Variants in DUXB observed in about 807,000 individuals in gnomAD.
The protein encoded by DUXB is double homeobox protein B.
DUXB carries 22 observed loss-of-function variants against 8.9 expected under a neutral mutation model. That is an observed-to-expected ratio of 2.46 (90% CI 1.76 to 3.52). DUXB has a LOEUF of 3.52. Among genes scored for constraint, DUXB ranks in the 30% most tolerant of loss-of-function variants. DUXB has a pLI of 0.00. For synonymous variants in DUXB, 84 were observed against 37.6 expected (o/e 2.23, Z -4.52); for missense variants, 237 against 108.7 (o/e 2.18, Z -5.25).
rs868662615 is a variant in DUXB at position 75,696,745 on chromosome 16, C to T, written c.286+93G>A. ...TTTCTATCTCTGGTCACCAGGATGC[C>T]AGAACCAGCTATCCCTGGCTTCTGA... On this transcript the variant is annotated intron_variant, in intron 3 of 4. Coordinates refer to ENST00000633875, the MANE Select transcript of DUXB (RefSeq NM_001351307.2). 17 of 618,140 alleles carry T rather than the reference C, an allele frequency of 2.8e-5. No homozygotes were observed. The Middle Eastern group carries it at 1.3e-3, about 46-fold the overall frequency. 38.3% of individuals were successfully genotyped at this position (618,140 alleles called of 1,614,324 possible).
At chr16:75,696,250 GA>G (rs2082606269) in intron 3 of DUXB, 135 bp from the exon 4 acceptor site, 1 of 616,094 alleles carries the variant, frequency 1.6e-6, no homozygotes, top group Non-Finnish European at 2.9e-6. Flanking sequence ...TCTGCAGCAG[GA>G]CCAAAAAGCC....
In DUXB at chr16:75,694,539, A is replaced by C; in HGVS notation, c.442-14T>G. 1.4e-6 allele frequency: 1 copy of C among 702,844 alleles called. No individual in the cohort carries two copies. The highest frequency in any genetic ancestry group is 1.5e-5 in the South Asian group (1 of 67,566). The allele number at this position is 702,844 out of a possible 1,614,324, so 43.5% of individuals were successfully genotyped here. On this transcript the variant is annotated splice_polypyrimidine_tract_variant and intron_variant, in intron 4 of 4. Coordinates refer to ENST00000633875, the MANE Select transcript of DUXB (RefSeq NM_001351307.2). ...CTGAAACCACATCTAAATGAGAAAA[A>C]GGGCAACATGACATCATAAGACATA...
Position 75,694,314 on chromosome 16 carries a change from TG to T in DUXB, c.652del (p.Gln218ArgfsTer11). The part of the protein sequence containing the change: ...ETLPPVLPST[Q>X]APWDPFRFHV... ...GAACCTGAAGGGATCCCAAGGAGCC[TG>T]GGTTGAAGGAAGAACAGGTGGAAGA... On this transcript the variant is annotated frameshift_variant, in exon 5 of 5. Transcript: ENST00000633875. LOFTEE classifies it low-confidence loss of function (END_TRUNC). The T allele has an allele frequency of 3.2e-6, 2 of 618,958 alleles. No homozygotes were observed. Among genetic ancestry groups the T allele is most frequent in the Middle Eastern group, 2.5e-4 (1 of 3,926 alleles). The allele number at this position is 618,958 out of a possible 1,614,324, so 38.3% of individuals were successfully genotyped here.
In DUXB at chr16:75,701,444, G is replaced by A. The variant is rs183864899; in HGVS notation, c.-26C>T. On this transcript the variant is annotated 5_prime_UTR_variant, in exon 1 of 5. Transcript: ENST00000633875. ...CTTGGGCAGAAGACCTGGACTCCAC[G>A]GAGATCAGCGAGTAACTGAGCAGCT... 8.5e-5 allele frequency: 34 copies of A among 398,574 alleles called. No homozygotes were observed. In the South Asian group the frequency reaches 3.4e-3, roughly 40 times the overall value. The allele number at this position is 398,574 out of a possible 1,614,324, so 24.7% of individuals were successfully genotyped here.
chr16:75,700,888 A>G (rs1024168541), intron 1 of DUXB, among the ~76,000 whole-genome samples: 12 of 152,164 alleles, frequency 7.9e-5, no homozygotes, highest in Non-Finnish European at 1.8e-4. Context: ...TTAAATATAT[A>G]TATTAGAAAA....
At chr16:75,695,116 ATG>A (rs144670710) in intron 4 of DUXB, among the ~76,000 whole-genome samples, 2,146 of 152,332 alleles carry the variant, frequency 0.014, 53 homozygotes, top group African/African-American at 0.049. Flanking sequence ...GTGTGTATAT[ATG>A]TGTGTGTAAT....
Position 75,694,327 on chromosome 16 carries a change from G to A in DUXB, c.640C>T (p.Leu214Phe). Reference sequence around the variant, plus strand: ...TCCCAAGGAGCCTGGGTTGAAGGAAGAACAGGTGGAAGAGTTTCATGCCCG... The same window carrying A: ...TCCCAAGGAGCCTGGGTTGAAGGAAAAACAGGTGGAAGAGTTTCATGCCCG... The part of the protein sequence containing the change: ...SSGHETLPPV[L>F]PSTQAPWDPF... The change falls in exon 5 of 5, where the codon CTT becomes TTT. Residue 214 changes from leucine to phenylalanine, a missense_variant. Leu to Phe is a conservative substitution (Grantham distance 22). Coordinates refer to ENST00000633875, the MANE Select transcript of DUXB (RefSeq NM_001351307.2). The A allele has an allele frequency of 1.6e-6, 1 of 628,274 alleles. No homozygotes were observed. The highest frequency in any genetic ancestry group is 2.8e-6 in the Non-Finnish European group (1 of 354,240). 38.9% of individuals were successfully genotyped at this position (628,274 alleles called of 1,614,324 possible).
chr16:75,698,261 T>G (rs1331445662), intron 2 of DUXB, among the ~76,000 whole-genome samples: 6 of 152,196 alleles, frequency 3.9e-5, no homozygotes. Flanking sequence ...TCCCATAGAA[T>G]GTACTTTTGT....
intron 1 of DUXB, among the ~76,000 whole-genome samples, chr16:75,701,186 C>T (rs1321506027): frequency 6.6e-6 from 1 of 152,222 alleles, no homozygotes; most frequent in Non-Finnish European, 1.5e-5. Context: ...GTATGGGACT[C>T]ATGGCTGCCA....
intron 2 of DUXB, among the ~76,000 whole-genome samples, chr16:75,697,434 C>T (rs927515681): frequency 6.6e-6 from 1 of 152,170 alleles, no homozygotes; most frequent in African/African-American, 2.4e-5. Flanking sequence ...AGTATTTCCT[C>T]TTAGTCATTT....
At chr16:75,699,098 A>C (rs1959197694) in intron 2 of DUXB, among the ~76,000 whole-genome samples, 1 of 152,186 alleles carries the variant, frequency 6.6e-6, no homozygotes, top group African/African-American at 2.4e-5. Context: ...TTCCACTCTC[A>C]GCCTCTGAAA....
rs565316884 is a variant in DUXB at position 75,694,474 on chromosome 16, G to T, written c.493C>A (p.Pro165Thr). Residue 165 changes from proline to threonine, a missense_variant, in exon 5 of 5, where the codon CCC becomes ACC. Coordinates refer to ENST00000633875, the MANE Select transcript of DUXB (RefSeq NM_001351307.2). ...GGGTCGTCTACCAATAAATTCATGG[G>T]CTCCATTCTGCTCTTCTTGAGGTAC... ...SLYLKKSRME[P>T]MNLLVDDPNE... 2.7e-5 allele frequency: 19 copies of T among 702,978 alleles called. No individual in the cohort carries two copies. The Middle Eastern group carries it at 1.8e-3, about 68-fold the overall frequency. 43.5% of individuals were successfully genotyped at this position (702,978 alleles called of 1,614,324 possible). A position where few individuals can be genotyped will look rare whatever the true frequency, so the allele number is the denominator to read the frequency against.
intron 3 of DUXB, among the ~76,000 whole-genome samples, chr16:75,696,591 G>C (rs916158764): frequency 7.2e-5 from 11 of 152,088 alleles, no homozygotes; most frequent in African/African-American, 2.2e-4. Context: ...AAAGCCCCGA[G>C]CTTGCTTGTT....
intron 1 of DUXB, 103 bp downstream of exon 1, chr16:75,701,291 G>C: frequency 2.5e-6 from 1 of 398,232 alleles, no homozygotes; most frequent in Non-Finnish European, 4.4e-6. Context: ...CTACCAGTCT[G>C]TACCTCTAAT....
intron 4 of DUXB, among the ~76,000 whole-genome samples, chr16:75,695,327 A>C (rs2082596932): frequency 6.6e-6 from 1 of 152,236 alleles, no homozygotes; most frequent in Admixed American, 6.5e-5. Flanking sequence ...GGATGTGTGC[A>C]TAAGAATTCG....
intron 3 of DUXB, among the ~76,000 whole-genome samples, chr16:75,696,588 C>T (rs562212046): frequency 5.9e-5 from 9 of 152,188 alleles, no homozygotes; most frequent in African/African-American, 1.4e-4. Flanking sequence ...TAAAAAGCCC[C>T]GAGCTTGCTT....
At chr16:75,699,936 G>C (rs759944276) in intron 2 of DUXB, 79 bp downstream of exon 2, 4 of 580,538 alleles carry the variant, frequency 6.9e-6, no homozygotes, top group African/African-American at 1.9e-5. Flanking sequence ...TGATATAAGA[G>C]AATTGGCAAA....
chr16:75,696,585 C>T (rs1414960987), intron 3 of DUXB, among the ~76,000 whole-genome samples: 1 of 152,078 alleles, frequency 6.6e-6, no homozygotes, highest in Non-Finnish European at 1.5e-5. Flanking sequence ...AAATAAAAAG[C>T]CCCGAGCTTG....
At chr16:75,701,000 A>T (rs1004531094) in intron 1 of DUXB, among the ~76,000 whole-genome samples, 7 of 152,318 alleles carry the variant, frequency 4.6e-5, no homozygotes, top group African/African-American at 1.7e-4. Context: ...ACAAAAATCA[A>T]TGAAAAAAGT....
Sources: allele counts gnomAD v4.1 joint callset (sites outside exome capture counted in the v4.1 genomes callset), GRCh38; gene constraint gnomAD v4.1.1; transcripts MANE v1.5; gene names NCBI Gene and HGNC (gene_info 2026-07-23, HGNC 2026-07-21).